CNTN1: variants seen among roughly 807,000 people sequenced by gnomAD.
CNTN1 encodes the protein contactin 1.
In CNTN1, 38 loss-of-function variants were observed where a neutral mutation model predicts 126.4. The observed-to-expected ratio is 0.30, with a 90% CI of 0.23 to 0.39. CNTN1 has a LOEUF of 0.39. Among genes scored for constraint, CNTN1 ranks in the 10% least tolerant of loss-of-function variants. The pLI is 1.00. For missense variants in CNTN1, 1,009 were observed against 1,248.4 expected, an observed-to-expected ratio of 0.81 and a Z score of 2.89; for synonymous variants, 413 against 422.6, an observed-to-expected ratio of 0.98 and a Z score of 0.28.
intron 23 of CNTN1, among the ~76,000 whole-genome samples, chr12:41,042,876 C>A (rs1949448692): frequency 2.6e-5 from 4 of 151,996 alleles, no homozygotes; most frequent in African/African-American, 9.7e-5. Context: ...CTTTGACAAA[C>A]CTGGGAAAAA....
At chr12:40,729,166 G>C (rs1942432312) in intron 1 of CNTN1, 1 of 210,080 alleles carries the variant, frequency 4.8e-6, no homozygotes. Flanking sequence ...GGCTCTTAAA[G>C]ATACTTCTCA....
chr12:40,740,250 A>C (rs1852662591), intron 1 of CNTN1, among the ~76,000 whole-genome samples: 1 of 152,098 alleles, frequency 6.6e-6, no homozygotes, highest in Non-Finnish European at 1.5e-5. Context: ...TTGGATGGCT[A>C]TAGAAGTAAA....
chr12:40,904,664 A>C (rs1256393075), intron 1 of CNTN1, among the ~76,000 whole-genome samples: 1 of 151,848 alleles, frequency 6.6e-6, no homozygotes, highest in Non-Finnish European at 1.5e-5. Flanking sequence ...TCCTGACCTT[A>C]GGTGATCCAC....
chr12:40,780,380 T>G (rs2136448346), intron 1 of CNTN1, among the ~76,000 whole-genome samples: 1 of 151,962 alleles, frequency 6.6e-6, no homozygotes, highest in South Asian at 2.1e-4. Context: ...GAATTCAAAA[T>G]ATTCGAGAAG....
intron 23 of CNTN1, among the ~76,000 whole-genome samples, chr12:41,059,691 C>G (rs1320471890): frequency 2.6e-5 from 4 of 151,966 alleles, no homozygotes; most frequent in Non-Finnish European, 1.5e-5. Context: ...GTGTCCTAGA[C>G]AAATTAGGCA....
chr12:41,057,872 G>T (rs886167498), intron 23 of CNTN1, among the ~76,000 whole-genome samples: 1 of 152,046 alleles, frequency 6.6e-6, no homozygotes, highest in Admixed American at 6.6e-5. Flanking sequence ...AGAGATTCTA[G>T]AGCTATACTG....
At chr12:40,964,252 C>T (rs1947214370) in intron 15 of CNTN1, among the ~76,000 whole-genome samples, 1 of 151,968 alleles carries the variant, frequency 6.6e-6, no homozygotes, top group South Asian at 2.1e-4. Flanking sequence ...CGTTTGTTCA[C>T]TCAAATCTGA....
chr12:40,927,576 C>T (rs967919533), intron 6 of CNTN1, among the ~76,000 whole-genome samples: 1 of 152,066 alleles, frequency 6.6e-6, no homozygotes, highest in Non-Finnish European at 1.5e-5. Context: ...TTTGTTGTAA[C>T]GATTGCTGAC....
At chr12:40,785,302 A>G (rs1291508907) in intron 1 of CNTN1, among the ~76,000 whole-genome samples, 1 of 152,102 alleles carries the variant, frequency 6.6e-6, no homozygotes, top group Non-Finnish European at 1.5e-5. Flanking sequence ...GCATCTCCTC[A>G]GTTTCTGGTG....
intron 23 of CNTN1, among the ~76,000 whole-genome samples, chr12:41,058,004 G>A (rs1256111154): frequency 6.6e-6 from 1 of 152,068 alleles, no homozygotes; most frequent in African/African-American, 2.4e-5. Context: ...CTCATGAACT[G>A]AACTAAGTAG....
intron 17 of CNTN1, among the ~76,000 whole-genome samples, chr12:40,997,501 T>C (rs879766395): frequency 6.6e-6 from 1 of 152,218 alleles, no homozygotes; most frequent in Non-Finnish European, 1.5e-5. Flanking sequence ...AAGAGAAGAA[T>C]AGAACTAAGA....
intron 1 of CNTN1, among the ~76,000 whole-genome samples, chr12:40,759,768 C>T (rs1162965150): frequency 6.9e-6 from 1 of 144,718 alleles, no homozygotes; most frequent in Non-Finnish European, 1.5e-5. Flanking sequence ...CTCACTTGGC[C>T]CAGATATTTT....
intron 1 of CNTN1, among the ~76,000 whole-genome samples, chr12:40,860,285 T>C (rs1390401200): frequency 6.6e-6 from 1 of 152,164 alleles, no homozygotes; most frequent in Non-Finnish European, 1.5e-5. Context: ...TTTAATATTT[T>C]GTCTGGATGT....
chr12:40,877,499 G>C (rs541279014), intron 1 of CNTN1, among the ~76,000 whole-genome samples: 1 of 152,284 alleles, frequency 6.6e-6, no homozygotes, highest in Non-Finnish European at 1.5e-5. Flanking sequence ...CTCTGGGAGA[G>C]TGAGTCAGAA....
At chr12:40,723,153 G>A (rs533030531) in intron 1 of CNTN1, among the ~76,000 whole-genome samples, 28 of 152,246 alleles carry the variant, frequency 1.8e-4, no homozygotes, top group East Asian at 7.7e-4. Context: ...GAGGTAGGCC[G>A]ACTTCGCTCC....
intron 17 of CNTN1, among the ~76,000 whole-genome samples, chr12:41,007,340 G>A (rs867849126): frequency 5.9e-5 from 9 of 152,072 alleles, no homozygotes; most frequent in Admixed American, 2.0e-4. Flanking sequence ...GATTACAGGC[G>A]TGAGCCACCG....
chr12:40,967,653 T>C (rs995994696), intron 15 of CNTN1, among the ~76,000 whole-genome samples: 3 of 152,146 alleles, frequency 2.0e-5, no homozygotes, highest in Admixed American at 6.6e-5. Context: ...ATTTACCAGA[T>C]AATTATGCCA....
chr12:40,911,826 A>G (rs1268597593), intron 3 of CNTN1, among the ~76,000 whole-genome samples: 1 of 152,182 alleles, frequency 6.6e-6, no homozygotes, highest in African/African-American at 2.4e-5. Context: ...CACATTCACC[A>G]ACAAGCCCAT....
chr12:40,899,573 G>A (rs1350930576), intron 1 of CNTN1, among the ~76,000 whole-genome samples: 2 of 152,108 alleles, frequency 1.3e-5, no homozygotes, highest in East Asian at 1.9e-4. Flanking sequence ...TTAGAGATGT[G>A]TTGGCTGAAC....
Sources: allele counts gnomAD v4.1 joint callset (sites outside exome capture counted in the v4.1 genomes callset), GRCh38; gene constraint gnomAD v4.1.1; transcripts MANE v1.5; gene names NCBI Gene and HGNC (gene_info 2026-07-23, HGNC 2026-07-21).